PPARGC1A: variants seen among roughly 807,000 people sequenced by gnomAD.
The protein encoded by PPARGC1A is peroxisome proliferator-activated receptor gamma coactivator 1-alpha.
In PPARGC1A, 25 loss-of-function variants were observed where a neutral mutation model predicts 88.7. The ratio of observed to expected loss-of-function variants is 0.28; its 90% CI spans 0.21 to 0.39. The LOEUF is 0.39. Among genes scored for constraint, PPARGC1A ranks in the 10% least tolerant of loss-of-function variants. The probability of loss-of-function intolerance (pLI) is 1.00; values close to 1 mark genes in which losing one functional copy is unlikely to be tolerated. For synonymous variants in PPARGC1A, 363 were observed against 355.6 expected (o/e 1.02, Z -0.24); for missense variants, 880 against 968.7 (o/e 0.91, Z 1.22).
chr4:24,036,522 G>A, the PPARGC1A span, among the ~76,000 whole-genome samples: 1 of 152,008 alleles, frequency 6.6e-6, no homozygotes, highest in African/African-American at 2.4e-5. Flanking sequence ...GAAGTGAAAT[G>A]TGATAAATTA....
At chr4:24,333,882 T>C in the PPARGC1A span, among the ~76,000 whole-genome samples, 1 of 128,562 alleles carries the variant, frequency 7.8e-6, no homozygotes, top group African/African-American at 3.0e-5. Flanking sequence ...TGCAGTGAGC[T>C]GAGTTAGTGC....
chr4:24,259,230 G>A, the PPARGC1A span, among the ~76,000 whole-genome samples: 4 of 152,160 alleles, frequency 2.6e-5, no homozygotes, highest in Admixed American at 6.5e-5. Context: ...TCCCAAAGCC[G>A]ATGATGTGAG....
the PPARGC1A span, among the ~76,000 whole-genome samples, chr4:24,300,279 G>A: frequency 9.0e-6 from 1 of 110,758 alleles, no homozygotes; most frequent in African/African-American, 3.3e-5. Flanking sequence ...GCTTTTATGG[G>A]TTTTTTTTCC....
At chr4:24,146,132 C>T in the PPARGC1A span, among the ~76,000 whole-genome samples, 5,316 of 152,302 alleles carry the variant, frequency 0.035, 109 homozygotes, top group Non-Finnish European at 0.05. Flanking sequence ...CAAGATGAGA[C>T]ACATTGTGTC....
At chr4:24,120,446 T>C in the PPARGC1A span, among the ~76,000 whole-genome samples, 340 of 152,332 alleles carry the variant, frequency 2.2e-3, 3 homozygotes, top group African/African-American at 7.6e-3. Context: ...TCCTGTCCTT[T>C]ACATGCAATA....
the PPARGC1A span, among the ~76,000 whole-genome samples, chr4:23,936,185 T>C: frequency 6.6e-6 from 1 of 152,214 alleles, no homozygotes; most frequent in African/African-American, 2.4e-5. Flanking sequence ...GTAAGATGTA[T>C]TGAATGCCTA....
chr4:24,120,493 A>G, the PPARGC1A span, among the ~76,000 whole-genome samples: 1 of 152,334 alleles, frequency 6.6e-6, no homozygotes, highest in African/African-American at 2.4e-5. Context: ...GTAGATAAAC[A>G]TTGTTCCCAT....
the PPARGC1A span, among the ~76,000 whole-genome samples, chr4:24,138,290 G>A: frequency 2.6e-5 from 4 of 152,182 alleles, no homozygotes; most frequent in Non-Finnish European, 4.4e-5. Context: ...CCCACAGCCT[G>A]TTCCAAGTCA....
chr4:24,022,976 T>G, the PPARGC1A span, among the ~76,000 whole-genome samples: 2 of 152,140 alleles, frequency 1.3e-5, no homozygotes, highest in Admixed American at 1.3e-4. Flanking sequence ...AGCTTAATAT[T>G]TTGAGACATG....
chr4:24,087,271 C>T, the PPARGC1A span, among the ~76,000 whole-genome samples: 5 of 152,212 alleles, frequency 3.3e-5, no homozygotes, highest in Non-Finnish European at 5.9e-5. Context: ...CCTGTCTCTG[C>T]TTCCTTCCAG....
At chr4:24,084,205 A>C in the PPARGC1A span, among the ~76,000 whole-genome samples, 3 of 152,250 alleles carry the variant, frequency 2.0e-5, no homozygotes, top group Admixed American at 2.0e-4. Flanking sequence ...TAAATGACCG[A>C]GCAGGTGATC....
At chr4:23,849,852 C>A (rs1393658695) in intron 2 of PPARGC1A, among the ~76,000 whole-genome samples, 1 of 149,234 alleles carries the variant, frequency 6.7e-6, no homozygotes, top group African/African-American at 2.5e-5. Context: ...CATGTGAGGA[C>A]ACAGCAGTGG....
At chr4:24,397,891 T>C in the PPARGC1A span, among the ~76,000 whole-genome samples, 1 of 152,226 alleles carries the variant, frequency 6.6e-6, no homozygotes, top group Non-Finnish European at 1.5e-5. Flanking sequence ...TAAAAGGCTA[T>C]GTGGTAACTA....
chr4:24,375,335 G>A, the PPARGC1A span, among the ~76,000 whole-genome samples: 1 of 151,980 alleles, frequency 6.6e-6, no homozygotes, highest in Admixed American at 6.6e-5. Context: ...CAAGTTTATC[G>A]GCCACCATTT....
chr4:24,430,743 C>T, the PPARGC1A span, among the ~76,000 whole-genome samples: 6 of 151,872 alleles, frequency 4.0e-5, no homozygotes, highest in African/African-American at 1.5e-4. Context: ...ACTAGGAAAC[C>T]CTGGAGCCAG....
At chr4:24,096,420 A>G in the PPARGC1A span, among the ~76,000 whole-genome samples, 2 of 152,340 alleles carry the variant, frequency 1.3e-5, no homozygotes, top group Middle Eastern at 3.4e-3. Flanking sequence ...TCAACAAACC[A>G]TGATCTTGGA....
chr4:24,327,311 T>C, the PPARGC1A span, among the ~76,000 whole-genome samples: 3 of 152,144 alleles, frequency 2.0e-5, no homozygotes, highest in Non-Finnish European at 1.5e-5. Context: ...CTATTCACTG[T>C]TCTCAACTAC....
the PPARGC1A span, among the ~76,000 whole-genome samples, chr4:24,263,456 T>TACACACACACACACAC: frequency 1.1e-4 from 17 of 150,086 alleles, no homozygotes; most frequent in African/African-American, 3.7e-4. Context: ...TGTGGGTGTA[T>TACACACACACACACAC]ACACACACAC....
chr4:24,317,921 T>C, the PPARGC1A span, among the ~76,000 whole-genome samples: 1 of 152,330 alleles, frequency 6.6e-6, no homozygotes, highest in Middle Eastern at 3.4e-3. Flanking sequence ...CTAAAGGCTG[T>C]TGAGAAGGTC....
Sources: allele counts gnomAD v4.1 joint callset (sites outside exome capture counted in the v4.1 genomes callset), GRCh38; gene constraint gnomAD v4.1.1; transcripts MANE v1.5; gene names NCBI Gene and HGNC (gene_info 2026-07-23, HGNC 2026-07-21).